The following NUDT3 variants were observed in gnomAD, a reference collection of about 807,000 sequenced individuals.
NUDT3 encodes the protein diphosphoinositol polyphosphate phosphohydrolase 1.
In NUDT3, 9 loss-of-function variants were observed where a neutral mutation model predicts 23.6. The observed-to-expected ratio is 0.38, with a 90% confidence interval of 0.23 to 0.66. The LOEUF is 0.66. Ranked by LOEUF, NUDT3 falls within the 30% of genes least tolerant of loss-of-function variation. The probability of loss-of-function intolerance (pLI) is 0.52; values close to 1 mark genes in which losing one functional copy is unlikely to be tolerated. For synonymous variants in NUDT3, 86 were observed against 82.6 expected (o/e 1.04, Z -0.22); for missense variants, 172 against 218.5 (o/e 0.79, Z 1.34).
At chr6:34,324,173 G>A (rs115310558) in intron 2 of NUDT3, among the ~76,000 whole-genome samples, 14,373 of 152,082 alleles carry the variant, frequency 0.095, 792 homozygotes, top group Non-Finnish European at 0.12. Context: ...TGGCCAACAC[G>A]GGAAACCCCG....
rs1763298236 is a variant in NUDT3 at position 34,283,231 on chromosome 6, G to A, written c.*5522C>T. On this transcript the variant is annotated 3_prime_UTR_variant, in exon 5 of 5. Transcript: ENST00000607016. ...TTTTTTTTTTTTTTTTTGAGACGGA[G>A]TCTTGCTCTGTCGCCTAGGCTGCAG... 1 of 140,510 alleles carries A rather than the reference G, an allele frequency of 7.1e-6. No homozygotes were observed. Among genetic ancestry groups the A allele is most frequent in the South Asian group, 2.2e-4 (1 of 4,462 alleles). 8.7% of individuals were successfully genotyped at this position (140,510 alleles called of 1,614,324 possible). A position where few individuals can be genotyped will look rare whatever the true frequency, so the allele number is the denominator to read the frequency against.
intron 2 of NUDT3, among the ~76,000 whole-genome samples, chr6:34,309,371 T>C (rs1342951638): frequency 6.6e-6 from 1 of 151,956 alleles, no homozygotes; most frequent in Non-Finnish European, 1.5e-5. Context: ...AACATCAAAA[T>C]TTGTGGGATG....
In NUDT3 at chr6:34,288,845, A is replaced by G. The variant is rs754601092; in HGVS notation, c.427T>C (p.Leu143=). ...KPVQASYFET[L]RQGYSANNGT... ...TTGTTGGCTGAGTAGCCTTGCCTCAATGTTTCAAAATATGATGCCTGCACG... is the reference window on the plus strand; with the variant it reads ...TTGTTGGCTGAGTAGCCTTGCCTCAGTGTTTCAAAATATGATGCCTGCACG... The change falls in exon 5 of 5, where the codon TTG becomes CTG. Residue 143 remains leucine, a synonymous_variant. Transcript: ENST00000607016. 33 of 1,614,064 alleles carry G rather than the reference A, an allele frequency of 2.0e-5. No homozygotes were observed. Among genetic ancestry groups the G allele is most frequent in the East Asian group, 8.9e-5 (4 of 44,894 alleles).
intron 1 of NUDT3, among the ~76,000 whole-genome samples, chr6:34,387,871 T>C (rs1765133542): frequency 6.6e-6 from 1 of 152,142 alleles, no homozygotes; most frequent in Non-Finnish European, 1.5e-5. Flanking sequence ...AATTTTTTGA[T>C]TTAGTGCAAC....
chr6:34,368,534 A>C (rs1044081438), intron 1 of NUDT3, among the ~76,000 whole-genome samples: 1 of 152,194 alleles, frequency 6.6e-6, no homozygotes, highest in Non-Finnish European at 1.5e-5. Context: ...ACAGGGGAAA[A>C]ACAAAAACAC....
At chr6:34,312,028 G>A (rs549504560) in intron 2 of NUDT3, among the ~76,000 whole-genome samples, 1 of 152,282 alleles carries the variant, frequency 6.6e-6, no homozygotes, top group Admixed American at 6.5e-5. Flanking sequence ...TGAATTTTTA[G>A]ATGCAACACC....
At chr6:34,357,360 G>A (rs1383471142) in intron 1 of NUDT3, among the ~76,000 whole-genome samples, 2 of 151,298 alleles carry the variant, frequency 1.3e-5, no homozygotes, top group Non-Finnish European at 2.9e-5. Flanking sequence ...CCTCATGCCT[G>A]TAATCCTAGC....
intron 1 of NUDT3, among the ~76,000 whole-genome samples, chr6:34,389,835 G>C (rs1404029164): frequency 6.6e-6 from 1 of 152,080 alleles, no homozygotes; most frequent in Non-Finnish European, 1.5e-5. Context: ...GTGGTCGCGG[G>C]CACCTGTAGT....
intron 2 of NUDT3, among the ~76,000 whole-genome samples, chr6:34,314,451 C>T (rs918790109): frequency 2.7e-5 from 4 of 150,018 alleles, no homozygotes; most frequent in Non-Finnish European, 5.9e-5. Context: ...CCCAGCTACT[C>T]GGGAGGCTGA....
intron 2 of NUDT3, among the ~76,000 whole-genome samples, chr6:34,326,316 G>A (rs1191984086): frequency 7.2e-5 from 11 of 152,014 alleles, no homozygotes; most frequent in Non-Finnish European, 1.6e-4. Context: ...ATATTCCCAA[G>A]GTTAAAAACC....
chr6:34,297,838 G>A (rs1368501443), intron 2 of NUDT3, among the ~76,000 whole-genome samples: 1 of 139,700 alleles, frequency 7.2e-6, no homozygotes, highest in Non-Finnish European at 1.5e-5. Context: ...CTCATGATCT[G>A]CCCGCCTCAG....
intron 2 of NUDT3, among the ~76,000 whole-genome samples, chr6:34,296,519 A>G (rs1297931007): frequency 6.6e-6 from 1 of 151,816 alleles, no homozygotes; most frequent in Non-Finnish European, 1.5e-5. Context: ...GGCTGCAGTG[A>G]GCCGAGATCA....
intron 2 of NUDT3, among the ~76,000 whole-genome samples, chr6:34,316,865 A>G (rs1763869373): frequency 6.6e-6 from 1 of 152,176 alleles, no homozygotes; most frequent in Non-Finnish European, 1.5e-5. Context: ...TTTGAGTGAC[A>G]TGATCTGATC....
intron 2 of NUDT3, among the ~76,000 whole-genome samples, chr6:34,330,336 G>A (rs147034977): frequency 1.1e-4 from 17 of 152,144 alleles, no homozygotes; most frequent in Admixed American, 1.1e-3. Context: ...TTTGATGATC[G>A]CCATTCTAAC....
chr6:34,316,853 C>A (rs950882900), intron 2 of NUDT3, among the ~76,000 whole-genome samples: 5 of 152,094 alleles, frequency 3.3e-5, no homozygotes, highest in African/African-American at 1.2e-4. Context: ...GCTTAGAAAG[C>A]CTTTGAGTGA....
chr6:34,309,707 T>C (rs1763741165), intron 2 of NUDT3, among the ~76,000 whole-genome samples: 1 of 151,836 alleles, frequency 6.6e-6, no homozygotes, highest in African/African-American at 2.4e-5. Flanking sequence ...GCCACGCTAA[T>C]TAAGAAAAAA....
rs1265774067 is a variant in NUDT3, at chr6:34,297,749, ATATATATATAATT to A, written c.211-2077_211-2065del. Among the ~76,000 whole-genome samples the A allele has an allele frequency of 2.7e-3, 280 of 103,326 alleles. 5 individuals carry two copies. Among genetic ancestry groups the A allele is most frequent in the African/African-American group, 0.01 (240 of 23,118 alleles). 67.8% of individuals were successfully genotyped at this position (103,326 alleles called of 152,430 possible). A position where few individuals can be genotyped will look rare whatever the true frequency, so the allele number is the denominator to read the frequency against. ...AAAAAAAATATATATATATATATAT[ATATATATATAATT>A]TTTTTTTTTTTTTTAGTAGAGACGG... On this transcript the variant is annotated intron_variant, in intron 2 of 4. Coordinates refer to ENST00000607016, the MANE Select transcript of NUDT3 (RefSeq NM_006703.4).
rs1763360130 is a variant in NUDT3 at position 34,288,087 on chromosome 6, A to G, written c.*666T>C. The G allele has an allele frequency of 6.6e-6, 1 of 152,244 alleles. No homozygotes were observed. Among genetic ancestry groups the G allele is most frequent in the East Asian group, 1.9e-4 (1 of 5,206 alleles). The allele number at this position is 152,244 out of a possible 1,614,324, so 9.4% of individuals were successfully genotyped here. A position where few individuals can be genotyped will look rare whatever the true frequency, so the allele number is the denominator to read the frequency against. On this transcript the variant is annotated 3_prime_UTR_variant, in exon 5 of 5. Transcript: ENST00000607016. ...CCATATCTACAGTCAATGACTGGGA[A>G]ATAGAGAAAGGACAGGGCAACCTGC...
intron 2 of NUDT3, among the ~76,000 whole-genome samples, chr6:34,315,048 G>A (rs774538360): frequency 2.0e-5 from 3 of 152,124 alleles, no homozygotes; most frequent in Non-Finnish European, 2.9e-5. Context: ...GGGGAGATAA[G>A]TTTATTTAAA....
Sources: gnomAD v4.1 joint callset for allele counts (sites outside exome capture counted in the v4.1 genomes callset) on GRCh38, gnomAD v4.1.1 for gene constraint, MANE v1.5 for transcripts, NCBI Gene and HGNC (gene_info 2026-07-23, HGNC 2026-07-21) for gene names.